The following PTPRJ variants were observed in gnomAD, a reference collection of about 807,000 sequenced individuals.
PTPRJ encodes the protein protein tyrosine phosphatase receptor type J.
Under a neutral mutation model 141.3 loss-of-function variants are expected in PTPRJ, and 129 were observed. The ratio of observed to expected loss-of-function variants is 0.91; its 90% CI spans 0.79 to 1.06. The LOEUF (loss-of-function observed/expected upper bound fraction) is 1.06. Among genes scored for constraint, PTPRJ ranks in the 50% least tolerant of loss-of-function variants. The probability of loss-of-function intolerance (pLI) is 0.00; values close to 1 mark genes in which losing one functional copy is unlikely to be tolerated. For missense variants in PTPRJ, 1,601 were observed against 1,679.7 expected (o/e 0.95, Z 0.82); for synonymous variants, 610 against 640.5 (o/e 0.95, Z 0.72).
intron 1 of PTPRJ, among the ~76,000 whole-genome samples, chr11:47,999,606 A>G (rs906060372): frequency 6.6e-6 from 1 of 152,124 alleles, no homozygotes; most frequent in African/African-American, 2.4e-5. Flanking sequence ...TGGATTCTGG[A>G]TATCTGGGTG....
intron 1 of PTPRJ, among the ~76,000 whole-genome samples, chr11:48,043,793 G>C (rs866841365): frequency 2.6e-5 from 4 of 152,266 alleles, no homozygotes; most frequent in Middle Eastern, 6.8e-3. Flanking sequence ...TCTGTTTACC[G>C]AGTGCATGCC....
At chr11:47,991,278 T>TA (rs202092751) in intron 1 of PTPRJ, among the ~76,000 whole-genome samples, 102 of 151,846 alleles carry the variant, frequency 6.7e-4, no homozygotes, top group African/African-American at 2.2e-3. Context: ...CTGTGTCCCT[T>TA]AAAAAAAACA....
chr11:48,130,511 C>G lies in PTPRJ; in HGVS notation c.1410C>G (p.Ile470Met), dbSNP rs141853869. Residue 470 changes from isoleucine to methionine, a missense_variant, in exon 8 of 25, where the codon ATC becomes ATG. Ile to Met is a conservative substitution (Grantham distance 10). Transcript: ENST00000418331. ...FRVTVVSTTE[I>M]GLAWSSHDAE... ...TGACAGTGGTCAGCACGACGGAGAT[C>G]GGCTTAGCATGGAGCAGCCATGATG... The G allele has an allele frequency of 7.5e-4, 1,208 of 1,613,536 alleles. 9 individuals carry two copies. Among genetic ancestry groups the G allele is most frequent in the Middle Eastern group, 5.0e-3 (30 of 6,056 alleles).
intron 1 of PTPRJ, among the ~76,000 whole-genome samples, chr11:48,014,001 G>A (rs889876512): frequency 7.2e-5 from 11 of 152,192 alleles, no homozygotes; most frequent in Non-Finnish European, 1.0e-4. Flanking sequence ...CTGTTTGGGT[G>A]AAGCCAGCTG....
chr11:48,047,390 G>C (rs1322053921), intron 1 of PTPRJ, among the ~76,000 whole-genome samples: 1 of 152,188 alleles, frequency 6.6e-6, no homozygotes, highest in Non-Finnish European at 1.5e-5. Context: ...TGGTCTAAAG[G>C]TCAGAGTGAG....
chr11:48,141,486 A>G (rs1857227803), intron 11 of PTPRJ, among the ~76,000 whole-genome samples: 1 of 152,112 alleles, frequency 6.6e-6, no homozygotes, highest in African/African-American at 2.4e-5. Flanking sequence ...GAACACAGAG[A>G]AGTGCTGTGC....
chr11:48,127,865 G>A lies in PTPRJ; in HGVS notation c.1179G>A (p.Ser393=), dbSNP rs748897376. The A allele has an allele frequency of 3.5e-5, 57 of 1,614,034 alleles. No individual in the cohort carries two copies. The highest frequency in any genetic ancestry group is 3.3e-4 in the Middle Eastern group (2 of 6,082). The change falls in exon 7 of 25, where the codon TCG becomes TCA. Residue 393 remains serine, a synonymous_variant. Transcript: ENST00000418331. ...TLIWKVSDNE[S]SSNYTYKIHV... ...TCTGGAAAGTCAGCGATAACGAGTC[G>A]TCATCTAACTATACCTACAAGATAC...
intron 24 of PTPRJ, among the ~76,000 whole-genome samples, chr11:48,165,417 C>A (rs10838813): frequency 0.7 from 106,284 of 152,136 alleles, 37,979 homozygotes; most frequent in South Asian, 0.79. Context: ...TTTACCCAAA[C>A]TGTTACTGAG....
chr11:48,110,845 G>T (rs1009265446), intron 2 of PTPRJ, among the ~76,000 whole-genome samples: 1 of 152,188 alleles, frequency 6.6e-6, no homozygotes, highest in African/African-American at 2.4e-5. Flanking sequence ...GACAGTGCTG[G>T]TTCATTCCCT....
intron 1 of PTPRJ, among the ~76,000 whole-genome samples, chr11:48,081,627 G>A (rs747023248): frequency 7.9e-5 from 12 of 152,242 alleles, no homozygotes; most frequent in Non-Finnish European, 1.8e-4. Context: ...TAAAAAGAGA[G>A]AATGGGGCCA....
chr11:47,982,053 T>G (rs1313015786), intron 1 of PTPRJ, among the ~76,000 whole-genome samples: 1 of 151,930 alleles, frequency 6.6e-6, no homozygotes, highest in Non-Finnish European at 1.5e-5. Flanking sequence ...CAGGGAAAAC[T>G]TCTCCAGCGC....
At position 47,990,655 on chromosome 11, in the gene PTPRJ, G is replaced by A. The variant is rs565603406; in HGVS notation, c.96+9647G>A. Among the ~76,000 whole-genome samples, 581 of 150,156 alleles carry A rather than the reference G, an allele frequency of 3.9e-3. 2 individuals are homozygous for A. The highest frequency in any genetic ancestry group is 0.013 in the African/African-American group (541 of 40,672). On this transcript the variant is annotated intron_variant, in intron 1 of 24. Coordinates refer to ENST00000418331, the MANE Select transcript of PTPRJ (RefSeq NM_002843.4). Reference sequence around the variant, plus strand: ...TGGAACTGCTGACCTCAAGTGATCTGCCTGCCTTGGCCTCCCAAAGTGTTG... The same window carrying A: ...TGGAACTGCTGACCTCAAGTGATCTACCTGCCTTGGCCTCCCAAAGTGTTG...
At chr11:48,033,034 A>T (rs534026712) in intron 1 of PTPRJ, among the ~76,000 whole-genome samples, 109 of 152,104 alleles carry the variant, frequency 7.2e-4, no homozygotes, top group South Asian at 1.7e-3. Context: ...CTTGGGCAAC[A>T]TAGTGAGACT....
intron 19 of PTPRJ, among the ~76,000 whole-genome samples, chr11:48,154,377 A>T (rs144691679): frequency 1.3e-5 from 2 of 152,384 alleles, no homozygotes; most frequent in African/African-American, 4.8e-5. Context: ...GCTAAGTATG[A>T]CTTATATTTA....
At chr11:48,156,260 T>A in intron 21 of PTPRJ, 141 bp downstream of exon 21, 1 of 687,766 alleles carries the variant, frequency 1.5e-6, no homozygotes, top group Non-Finnish European at 2.3e-6. Flanking sequence ...GTTTTCTGTC[T>A]TTTTTTCCCC....
At chr11:48,102,926 C>T (rs1169363725) in intron 1 of PTPRJ, among the ~76,000 whole-genome samples, 4 of 151,962 alleles carry the variant, frequency 2.6e-5, no homozygotes, top group Non-Finnish European at 5.9e-5. Context: ...TGGAGGAGTC[C>T]AGGATTTGTA....
At chr11:48,083,917 A>G (rs1855629261) in intron 1 of PTPRJ, among the ~76,000 whole-genome samples, 1 of 152,164 alleles carries the variant, frequency 6.6e-6, no homozygotes, top group African/African-American at 2.4e-5. Flanking sequence ...ATAGTAAACT[A>G]TTTGTCCTTT....
intron 1 of PTPRJ, among the ~76,000 whole-genome samples, chr11:48,087,069 G>A (rs1855735278): frequency 6.6e-6 from 1 of 152,190 alleles, no homozygotes; most frequent in African/African-American, 2.4e-5. Context: ...AATCTTGATA[G>A]TTGACTTGTA....
chr11:47,994,905 C>A (rs1367270011), intron 1 of PTPRJ, among the ~76,000 whole-genome samples: 1 of 152,074 alleles, frequency 6.6e-6, no homozygotes, highest in African/African-American at 2.4e-5. Context: ...AAAGAAATCT[C>A]TACCCTGCAG....
Sources: allele counts gnomAD v4.1 joint callset (sites outside exome capture counted in the v4.1 genomes callset), GRCh38; gene constraint gnomAD v4.1.1; transcripts MANE v1.5; gene names NCBI Gene and HGNC (gene_info 2026-07-23, HGNC 2026-07-21).